The following RBFOX1 variants were observed in gnomAD, a reference collection of about 807,000 sequenced individuals.
RBFOX1 encodes RNA binding protein fox-1 homolog 1.
Under a neutral mutation model 57.7 loss-of-function variants are expected in RBFOX1, and 8 were observed. The observed-to-expected ratio is 0.14, with a 90% CI of 0.08 to 0.25. RBFOX1 has a LOEUF of 0.25. RBFOX1 is among the 10% of genes least tolerant of loss of function. The probability of loss-of-function intolerance (pLI) is 1.00; values close to 1 mark genes in which losing one functional copy is unlikely to be tolerated. For synonymous variants in RBFOX1, 326 were observed against 222.4 expected, an observed-to-expected ratio of 1.47 and a Z score of -4.15; for missense variants, 611 against 548.5, an observed-to-expected ratio of 1.11 and a Z score of -1.14.
intron 4 of RBFOX1, among the ~76,000 whole-genome samples, chr16:5,868,019 C>T (rs753477179): frequency 7.9e-5 from 12 of 151,624 alleles, no homozygotes; most frequent in Non-Finnish European, 1.6e-4. Context: ...GCCTGTTTTT[C>T]TTTCTCTACT....
chr16:6,202,627 A>G (rs1035729255), intron 1 of RBFOX1, among the ~76,000 whole-genome samples: 1 of 152,166 alleles, frequency 6.6e-6, no homozygotes, highest in Non-Finnish European at 1.5e-5. Flanking sequence ...TTGGTATTAA[A>G]AAGCTGTAGA....
chr16:6,977,647 C>G (rs930935727), intron 3 of RBFOX1, among the ~76,000 whole-genome samples: 2 of 152,124 alleles, frequency 1.3e-5, no homozygotes, highest in African/African-American at 4.8e-5. Context: ...CTGGTCATCT[C>G]TTTAGCTCTG....
chr16:5,508,913 C>T (rs550396418), intron 2 of RBFOX1, among the ~76,000 whole-genome samples: 1 of 152,192 alleles, frequency 6.6e-6, no homozygotes, highest in Non-Finnish European at 1.5e-5. Flanking sequence ...GGGGGTTCTG[C>T]CGCGTCTCTC....
chr16:6,711,977 A>G (rs1307573171), intron 3 of RBFOX1, among the ~76,000 whole-genome samples: 2 of 152,132 alleles, frequency 1.3e-5, no homozygotes, highest in Non-Finnish European at 2.9e-5. Flanking sequence ...AGCATTTTGT[A>G]TAGTATACGT....
intron 4 of RBFOX1, among the ~76,000 whole-genome samples, chr16:7,206,688 C>A (rs2090047053): frequency 6.6e-6 from 1 of 152,044 alleles, no homozygotes; most frequent in South Asian, 2.1e-4. Context: ...TCCTGACAAG[C>A]ACAGAGTGAG....
Position 6,726,614 on chromosome 16 carries a change from G to T in RBFOX1, c.-16+71964G>T, listed in dbSNP as rs139980571. Among the ~76,000 whole-genome samples, 4 of 152,244 alleles carry T rather than the reference G, an allele frequency of 2.6e-5. No homozygotes were observed. The East Asian group carries it at 7.8e-4, about 30-fold the overall frequency. On this transcript the variant is annotated intron_variant, in intron 3 of 15. Coordinates refer to ENST00000550418, the MANE Select transcript of RBFOX1 (RefSeq NM_018723.4). ...CTGCTTTCCTGGTCATATTCTATCAGTTCAGCAAACACTATGATTTCAAAC... is the reference window on the plus strand; with the variant it reads ...CTGCTTTCCTGGTCATATTCTATCATTTCAGCAAACACTATGATTTCAAAC...
intron 3 of RBFOX1, among the ~76,000 whole-genome samples, chr16:6,726,727 G>A (rs554125708): frequency 1.3e-5 from 2 of 152,248 alleles, no homozygotes; most frequent in African/African-American, 2.4e-5. Flanking sequence ...TCCTTCTGCT[G>A]TGGCTGCTGC....
chr16:6,541,442 GCAGGGATCAGA>G (rs1339243405), intron 2 of RBFOX1, among the ~76,000 whole-genome samples: 2 of 152,224 alleles, frequency 1.3e-5, no homozygotes, highest in African/African-American at 2.4e-5. Flanking sequence ...TGGTCACAGT[GCAGGGATCAGA>G]CAGTGAATAG....
At position 7,170,474 on chromosome 16, in the gene RBFOX1, G is replaced by A. The variant is rs113000666; in HGVS notation, c.27+118376G>A. Among the ~76,000 whole-genome samples the A allele has an allele frequency of 5.6e-3, 849 of 152,200 alleles. 10 individuals carry two copies. Among genetic ancestry groups the A allele is most frequent in the African/African-American group, 0.019 (807 of 41,524 alleles). ...TTTTTTTTTCCAAGATAGAGTCTTG[G>A]CGTGTTGCCCATATTGGTCTCAAAT... On this transcript the variant is annotated intron_variant, in intron 4 of 15. Transcript: ENST00000550418.
At chr16:5,904,401 C>G (rs981772374) in intron 4 of RBFOX1, among the ~76,000 whole-genome samples, 1 of 151,954 alleles carries the variant, frequency 6.6e-6, no homozygotes, top group Non-Finnish European at 1.5e-5. Flanking sequence ...CTCGTTTTGT[C>G]TCAGGGCATT....
intron 3 of RBFOX1, among the ~76,000 whole-genome samples, chr16:6,794,545 A>G (rs2083582468): frequency 6.6e-6 from 1 of 152,030 alleles, no homozygotes; most frequent in South Asian, 2.1e-4. Flanking sequence ...ATTTTAAGTG[A>G]TTGGTGCATG....
chr16:6,656,295 G>T (rs1051699020), intron 3 of RBFOX1, among the ~76,000 whole-genome samples: 2 of 152,128 alleles, frequency 1.3e-5, no homozygotes, highest in African/African-American at 4.8e-5. Flanking sequence ...AACATGTTTT[G>T]TCCGGTATCT....
intron 3 of RBFOX1, among the ~76,000 whole-genome samples, chr16:6,770,534 C>T (rs567332276): frequency 1.4e-4 from 21 of 152,162 alleles, no homozygotes; most frequent in African/African-American, 4.6e-4. Context: ...TTCTTTCTGC[C>T]CCTTTACGGA....
chr16:6,572,330 A>G (rs1257740769), intron 2 of RBFOX1, among the ~76,000 whole-genome samples: 2 of 152,108 alleles, frequency 1.3e-5, no homozygotes, highest in East Asian at 1.9e-4. Context: ...AATTTTGCAC[A>G]TTTTCTTAAT....
chr16:6,471,775 G>A (rs1406136886), intron 2 of RBFOX1, among the ~76,000 whole-genome samples: 3 of 152,086 alleles, frequency 2.0e-5, no homozygotes, highest in Admixed American at 6.5e-5. Context: ...AGACTCCTTT[G>A]CAGGCTGGCC....
chr16:5,752,408 C>T (rs1364542283), intron 3 of RBFOX1, among the ~76,000 whole-genome samples: 1 of 152,214 alleles, frequency 6.6e-6, no homozygotes, highest in African/African-American at 2.4e-5. Context: ...AACAAACCTG[C>T]ACATGTATCC....
Position 6,700,810 on chromosome 16 carries a change from T to C in RBFOX1, c.-16+46160T>C, listed in dbSNP as rs1448525357. Among the ~76,000 whole-genome samples, 6 of 152,194 alleles carry C rather than the reference T, an allele frequency of 3.9e-5. No individual in the cohort carries two copies. In the East Asian group the frequency reaches 7.7e-4, roughly 20 times the overall value. On this transcript the variant is annotated intron_variant, in intron 3 of 15. Coordinates refer to ENST00000550418, the MANE Select transcript of RBFOX1 (RefSeq NM_018723.4). Reference sequence around the variant, plus strand: ...GCATATCCCAGCAAGTAATTAAAAGTAGTGGTTCATGACATATAGAATTTA... The same window carrying C: ...GCATATCCCAGCAAGTAATTAAAAGCAGTGGTTCATGACATATAGAATTTA...
chr16:5,517,415 G>A (rs749581782), intron 2 of RBFOX1, among the ~76,000 whole-genome samples: 10 of 152,162 alleles, frequency 6.6e-5, no homozygotes, highest in Non-Finnish European at 1.3e-4. Context: ...CCAGATGGTA[G>A]CCTCTTCTCT....
chr16:6,983,709 A>G (rs1332309110), intron 3 of RBFOX1: 5 of 152,364 alleles, frequency 3.3e-5, no homozygotes, highest in Non-Finnish European at 1.5e-5. Flanking sequence ...TTGCATCTCT[A>G]GGCTTGAAGG....
Sources: gnomAD v4.1 joint callset for allele counts (sites outside exome capture counted in the v4.1 genomes callset) on GRCh38, gnomAD v4.1.1 for gene constraint, MANE v1.5 for transcripts, NCBI Gene and HGNC (gene_info 2026-07-23, HGNC 2026-07-21) for gene names.